Variants in DACH1 observed in about 807,000 individuals in gnomAD.
DACH1 encodes the protein dachshund homolog 1.
A neutral mutation model predicts 54.2 loss-of-function variants in DACH1; 12 were observed. The ratio of observed to expected loss-of-function variants is 0.22; its 90% CI spans 0.14 to 0.36. The LOEUF (loss-of-function observed/expected upper bound fraction) is 0.36, where lower values mean the gene tolerates loss of function less well. Ranked by LOEUF, DACH1 falls within the 10% of genes least tolerant of loss-of-function variation. The pLI, the probability that DACH1 is intolerant of heterozygous loss-of-function variation, is 1.00. For missense variants in DACH1, 805 were observed against 929.8 expected, an observed-to-expected ratio of 0.87 and a Z score of 1.75; for synonymous variants, 386 against 366.2, an observed-to-expected ratio of 1.05 and a Z score of -0.62.
chr13:71,637,105 T>A (rs912272487), intron 2 of DACH1, among the ~76,000 whole-genome samples: 3 of 152,136 alleles, frequency 2.0e-5, no homozygotes, highest in African/African-American at 7.2e-5. Flanking sequence ...TATAATACAG[T>A]GGCTGGGGGG....
At chr13:71,545,100 T>C (rs1465185753) in intron 6 of DACH1, among the ~76,000 whole-genome samples, 1 of 152,108 alleles carries the variant, frequency 6.6e-6, no homozygotes, top group Non-Finnish European at 1.5e-5. Flanking sequence ...TTGCTAATTT[T>C]TATAAAAACA....
intron 6 of DACH1, among the ~76,000 whole-genome samples, chr13:71,505,848 T>G (rs1045591669): frequency 6.6e-6 from 1 of 152,092 alleles, no homozygotes. Flanking sequence ...GATTAACAAA[T>G]TATAAGTGGC....
intron 6 of DACH1, among the ~76,000 whole-genome samples, chr13:71,547,084 C>T (rs1048758978): frequency 1.3e-5 from 2 of 152,004 alleles, no homozygotes; most frequent in African/African-American, 4.8e-5. Context: ...CCTCATTAGA[C>T]TAATGAAAAC....
At chr13:71,706,453 A>G (rs2111011) in intron 1 of DACH1, among the ~76,000 whole-genome samples, 134,394 of 152,010 alleles carry the variant, frequency 0.88, 60,123 homozygotes, top group African/African-American at 0.94. Context: ...AATCAAAACA[A>G]TAAGACATAA....
chr13:71,611,626 T>A (rs1875335579), intron 3 of DACH1, among the ~76,000 whole-genome samples: 1 of 152,194 alleles, frequency 6.6e-6, no homozygotes, highest in Non-Finnish European at 1.5e-5. Flanking sequence ...AATATTTTTA[T>A]AAAGGGCAGG....
intron 4 of DACH1, among the ~76,000 whole-genome samples, chr13:71,566,558 G>A (rs761872552): frequency 6.6e-6 from 1 of 152,032 alleles, no homozygotes; most frequent in Non-Finnish European, 1.5e-5. Context: ...TTATCTTTAA[G>A]CCTTTATTGT....
At chr13:71,662,098 T>G (rs76740716) in intron 2 of DACH1, among the ~76,000 whole-genome samples, 2,172 of 152,166 alleles carry the variant, frequency 0.014, 17 homozygotes, top group Middle Eastern at 0.024. Context: ...ATACTGTTGA[T>G]ATCGTCTAAG....
intron 3 of DACH1, among the ~76,000 whole-genome samples, chr13:71,621,696 C>T (rs1876245419): frequency 6.6e-6 from 1 of 152,018 alleles, no homozygotes. Flanking sequence ...TGAAAATCAA[C>T]ACTCTTTGCT....
At chr13:71,718,511 A>G (rs1883085554) in intron 1 of DACH1, among the ~76,000 whole-genome samples, 1 of 151,736 alleles carries the variant, frequency 6.6e-6, no homozygotes, top group African/African-American at 2.4e-5. Context: ...GGGAAATCCA[A>G]AATGCAGTGA....
intron 5 of DACH1, among the ~76,000 whole-genome samples, chr13:71,558,588 T>C (rs564278691): frequency 1.3e-5 from 2 of 152,064 alleles, no homozygotes; most frequent in South Asian, 4.1e-4. Flanking sequence ...ATGAAACCAA[T>C]ATTTATCATT....
intron 1 of DACH1, among the ~76,000 whole-genome samples, chr13:71,701,720 C>A (rs776573963): frequency 3.3e-5 from 5 of 151,926 alleles, no homozygotes; most frequent in Non-Finnish European, 7.4e-5. Flanking sequence ...CAGAAAGTAT[C>A]CTGTGTGAGA....
At chr13:71,545,291 C>T (rs887253460) in intron 6 of DACH1, among the ~76,000 whole-genome samples, 3 of 151,426 alleles carry the variant, frequency 2.0e-5, no homozygotes, top group African/African-American at 4.9e-5. Context: ...ATCTCTTAGA[C>T]GAATATAAAA....
At chr13:71,694,929 A>C (rs1055379933) in intron 1 of DACH1, among the ~76,000 whole-genome samples, 2 of 152,202 alleles carry the variant, frequency 1.3e-5, no homozygotes, top group Non-Finnish European at 2.9e-5. Flanking sequence ...GGATGGAAAT[A>C]CTATTTCCAT....
chr13:71,716,684 C>T (rs55963188), intron 1 of DACH1, among the ~76,000 whole-genome samples: 25,464 of 151,996 alleles, frequency 0.17, 4,769 homozygotes, highest in African/African-American at 0.46. Context: ...TTTTAGTCTG[C>T]CAACAAAACC....
intron 6 of DACH1, among the ~76,000 whole-genome samples, chr13:71,494,967 C>T (rs140530754): frequency 6.6e-6 from 1 of 152,056 alleles, no homozygotes; most frequent in East Asian, 1.9e-4. Context: ...AAATAATGGG[C>T]CTCTACTTTT....
intron 1 of DACH1, among the ~76,000 whole-genome samples, chr13:71,753,230 G>A (rs566705557): frequency 1.3e-5 from 2 of 152,266 alleles, no homozygotes; most frequent in South Asian, 2.1e-4. Flanking sequence ...GGATGTGACA[G>A]CATGATGAAT....
intron 6 of DACH1, among the ~76,000 whole-genome samples, chr13:71,495,466 G>A (rs935101012): frequency 1.3e-5 from 2 of 151,958 alleles, no homozygotes; most frequent in African/African-American, 2.4e-5. Context: ...TATTAAATTG[G>A]AGTAGAAGTA....
chr13:71,689,831 G>T (rs1881382762), intron 1 of DACH1, among the ~76,000 whole-genome samples: 1 of 152,162 alleles, frequency 6.6e-6, no homozygotes, highest in South Asian at 2.1e-4. Context: ...GTCGTAGGTA[G>T]TTGGGATAAT....
chr13:71,490,216 G>A (rs958180389), intron 6 of DACH1, among the ~76,000 whole-genome samples: 5 of 152,116 alleles, frequency 3.3e-5, no homozygotes, highest in African/African-American at 9.7e-5. Context: ...CTTGCCTTAT[G>A]CTTATAATTT....
Sources: gnomAD v4.1 joint callset for allele counts (sites outside exome capture counted in the v4.1 genomes callset) on GRCh38, gnomAD v4.1.1 for gene constraint, MANE v1.5 for transcripts, NCBI Gene and HGNC (gene_info 2026-07-23, HGNC 2026-07-21) for gene names.